The following SUN5 variants were observed in gnomAD, a reference collection of about 807,000 sequenced individuals.
The protein encoded by SUN5 is Sad1 and UNC84 domain containing 5, also known as SUN domain-containing protein 5.
A neutral mutation model predicts 53.7 loss-of-function variants in SUN5; 44 were observed. The ratio of observed to expected loss-of-function variants is 0.82; its 90% confidence interval spans 0.64 to 1.05. SUN5 has a LOEUF of 1.05. SUN5 is among the 50% of genes least tolerant of loss of function. SUN5 has a pLI of 0.00. For synonymous variants in SUN5, 166 were observed against 179.8 expected, an observed-to-expected ratio of 0.92 and a Z score of 0.62; for missense variants, 433 against 483.8, an observed-to-expected ratio of 0.90 and a Z score of 0.98.
chr20:33,001,282 C>T lies in SUN5; in HGVS notation c.212-4G>A, dbSNP rs115925192. 1.7e-3 allele frequency: 2,708 copies of T among 1,570,328 alleles called. 35 individuals are homozygous for T. In the African/African-American group the frequency reaches 0.031, roughly 18 times the overall value. ...CAGGCAAAACAGGTGAACCAGGCTG[C>T]ACGGGAGACAGAAAAGCAGTGACTC... is the stretch of plus-strand genomic sequence containing the variant. On this transcript the variant is annotated splice_polypyrimidine_tract_variant and splice_region_variant and intron_variant, in intron 3 of 12. Coordinates refer to ENST00000356173, the MANE Select transcript of SUN5 (RefSeq NM_080675.4).
chr20:33,001,588 TTTTTTC>T, intron 3 of SUN5, among the ~76,000 whole-genome samples: 1 of 129,616 alleles, frequency 7.7e-6, no homozygotes, highest in East Asian at 2.2e-4. Flanking sequence ...CCTTTCTTTC[TTTTTTC>T]TTCTTTCTCT....
rs1194929919 is a variant in SUN5, at chr20:33,000,144, C to T, written c.279-9G>A. ...GGCACAGCAGCTTGCATCTGGAAGG[C>T]AGGGAGTGGTGGTCAAGATCAGGTG... On this transcript the variant is annotated splice_polypyrimidine_tract_variant and intron_variant, in intron 4 of 12. Coordinates refer to ENST00000356173, the MANE Select transcript of SUN5 (RefSeq NM_080675.4). 1.3e-6 allele frequency: 2 copies of T among 1,598,002 alleles called. No individual in the cohort carries two copies. Among genetic ancestry groups the T allele is most frequent in the Admixed American group, 1.8e-5 (1 of 56,830 alleles).
intron 11 of SUN5, 71 bp downstream of exon 11, chr20:32,985,665 C>T: frequency 6.4e-7 from 1 of 1,558,256 alleles, no homozygotes; most frequent in African/African-American, 1.3e-5. Context: ...CTGTTTACCC[C>T]AGGCCTGGAA....
At position 33,002,909 on chromosome 20, in the gene SUN5, G is replaced by T. The variant is rs566258635; in HGVS notation, c.88C>A (p.Arg30=). The part of the protein sequence containing the change: ...HNPRPRRIAQ[R]GRNTSRMAED... ...GCCATCCTGCTGGTGTTCCGGCCTC[G>T]CTGGGCAATCCTGGGGATGATAAGA... The change falls in exon 2 of 13, where the codon CGA becomes AGA. Residue 30 remains arginine (R), a synonymous_variant. Coordinates refer to ENST00000356173, the MANE Select transcript of SUN5 (RefSeq NM_080675.4). 2 of 1,614,116 alleles carry T rather than the reference G, an allele frequency of 1.2e-6. No individual in the cohort carries two copies. Among genetic ancestry groups the T allele is most frequent in the South Asian group, 2.2e-5 (2 of 91,076 alleles).
intron 7 of SUN5, 122 bp from the exon 8 acceptor site, chr20:32,995,849 GCCCA>G: frequency 3.6e-6 from 3 of 840,856 alleles, no homozygotes; most frequent in Non-Finnish European, 4.0e-6. Context: ...AATCTCTTGG[GCCCA>G]TCCCTGGACC....
chr20:33,003,065 A>C, intron 1 of SUN5, 146 bp from the exon 2 acceptor site: 1 of 891,544 alleles, frequency 1.1e-6, no homozygotes, highest in Non-Finnish European at 1.7e-6. Flanking sequence ...GGACAGACCC[A>C]GGTCTGGCTG....
intron 5 of SUN5, among the ~76,000 whole-genome samples, chr20:32,999,000 A>G (rs1440497868): frequency 1.3e-5 from 2 of 152,196 alleles, no homozygotes; most frequent in Admixed American, 6.5e-5. Context: ...GCACCACTGC[A>G]CTCCAGCCTA....
intron 7 of SUN5, 22 bp from the exon 8 acceptor site, chr20:32,995,749 C>A: frequency 6.2e-7 from 1 of 1,605,882 alleles, no homozygotes; most frequent in South Asian, 1.1e-5. Context: ...GGAGTGATAA[C>A]AAGAACAGGT....
At chr20:32,996,177 G>T (rs1242315587) in intron 7 of SUN5, 147 bp downstream of exon 7, 3 of 710,952 alleles carry the variant, frequency 4.2e-6, no homozygotes, top group South Asian at 2.2e-5. Flanking sequence ...CTTGCCTAAG[G>T]TCAGCCATGT....
chr20:32,997,545 C>T lies in SUN5; in HGVS notation c.390+93G>A, dbSNP rs452299. 11 of 1,449,682 alleles carry T rather than the reference C, an allele frequency of 7.6e-6. No homozygotes were observed. In the Admixed American group the frequency reaches 1.5e-4, roughly 20 times the overall value. The allele number at this position is 1,449,682 out of a possible 1,614,324, so 89.8% of individuals were successfully genotyped here. A position where few individuals can be genotyped will look rare whatever the true frequency, so the allele number is the denominator to read the frequency against. On this transcript the variant is annotated intron_variant, in intron 6 of 12. Coordinates refer to ENST00000356173, the MANE Select transcript of SUN5 (RefSeq NM_080675.4). ...CAAGTCAGGAACTGATGAGGGGCCC[C>T]ATTTGGTGAGAATGAATGGAGCTGT...
chr20:32,984,699 C>A (rs1354469608), intron 12 of SUN5, among the ~76,000 whole-genome samples: 2 of 152,212 alleles, frequency 1.3e-5, no homozygotes, highest in African/African-American at 4.8e-5. Context: ...GTCTCCAAAC[C>A]CCTCTCCTTC....
chr20:32,997,382 A>C (rs887416406), intron 6 of SUN5, among the ~76,000 whole-genome samples: 1 of 152,148 alleles, frequency 6.6e-6, no homozygotes, highest in African/African-American at 2.4e-5. Context: ...GAAAGGAGAG[A>C]TGGGTCATCT....
At chr20:32,998,175 CA>C (rs35729664) in intron 5 of SUN5, among the ~76,000 whole-genome samples, 5,235 of 59,574 alleles carry the variant, frequency 0.088, 282 homozygotes, top group African/African-American at 0.27. Context: ...CCCATCTCTA[CA>C]AAAAAAAAAA....
At chr20:32,990,164 G>A (rs1163063499) in intron 8 of SUN5, among the ~76,000 whole-genome samples, 1 of 152,132 alleles carries the variant, frequency 6.6e-6, no homozygotes, top group Non-Finnish European at 1.5e-5. Context: ...CCCCTAAGAA[G>A]TATGCACTAT....
chr20:32,984,878 A>G (rs897711897), intron 12 of SUN5, among the ~76,000 whole-genome samples: 7 of 152,186 alleles, frequency 4.6e-5, no homozygotes, highest in African/African-American at 7.2e-5. Flanking sequence ...CTCATCAGGA[A>G]AAAGGGGACA....
At position 33,001,562 on chromosome 20, in the gene SUN5, C is replaced by CTTTCTTTCTTTCTTTCT. The variant is rs1555876523; in HGVS notation, c.212-285_212-284insAGAAAGAAAGAAAGAAA. On this transcript the variant is annotated intron_variant, in intron 3 of 12. Coordinates refer to ENST00000356173, the MANE Select transcript of SUN5 (RefSeq NM_080675.4). ...TCTTTCTTTCTTTCTTTCTTTCTTT[C>CTTTCTTTCTTTCTTTCT]TTTTCTTCCTTCCTTCCTTTCTTTC... Among the ~76,000 whole-genome samples, 324 of 98,218 alleles carry CTTTCTTTCTTTCTTTCT rather than the reference C, an allele frequency of 3.3e-3. 2 individuals carry two copies. Among genetic ancestry groups the CTTTCTTTCTTTCTTTCT allele is most frequent in the African/African-American group, 0.014 (300 of 22,056 alleles). The allele number at this position is 98,218 out of a possible 152,430, so 64.4% of individuals were successfully genotyped here.
chr20:32,989,137 G>T (rs1480224214), intron 9 of SUN5, among the ~76,000 whole-genome samples: 1 of 151,678 alleles, frequency 6.6e-6, no homozygotes, highest in Non-Finnish European at 1.5e-5. Flanking sequence ...GTGTTAGCCA[G>T]GATGGTCTCG....
chr20:32,995,595 G>A, intron 8 of SUN5, 24 bp downstream of exon 8: 2 of 1,593,896 alleles, frequency 1.3e-6, no homozygotes, highest in Non-Finnish European at 8.6e-7. Flanking sequence ...TTAGATGTTT[G>A]GGGCAGAATG....
At chr20:32,989,245 C>T (rs221971) in intron 9 of SUN5, among the ~76,000 whole-genome samples, 50,929 of 152,080 alleles carry the variant, frequency 0.33, 9,303 homozygotes, top group East Asian at 0.79. Context: ...TTCTTGACTG[C>T]GGGTTGGAGA....
Sources: allele counts gnomAD v4.1 joint callset (sites outside exome capture counted in the v4.1 genomes callset), GRCh38; gene constraint gnomAD v4.1.1; transcripts MANE v1.5; gene names NCBI Gene and HGNC (gene_info 2026-07-23, HGNC 2026-07-21).